The following SDK1 variants were observed in gnomAD, a reference collection of about 807,000 sequenced individuals.
SDK1 encodes the protein protein sidekick-1.
SDK1 carries 157 observed loss-of-function variants against 245.5 expected under a neutral mutation model. That is an observed-to-expected ratio of 0.64 (90% CI 0.56 to 0.73). SDK1 has a LOEUF of 0.73. Ranked by LOEUF, SDK1 falls within the 30% of genes least tolerant of loss-of-function variation. The pLI is 0.00. For synonymous variants in SDK1, 1,647 were observed against 1,278.5 expected, an observed-to-expected ratio of 1.29 and a Z score of -6.15; for missense variants, 3,583 against 3,002.3, an observed-to-expected ratio of 1.19 and a Z score of -4.52.
At chr7:3,765,035 A>G (rs1780215308) in intron 4 of SDK1, among the ~76,000 whole-genome samples, 1 of 152,174 alleles carries the variant, frequency 6.6e-6, no homozygotes, top group South Asian at 2.1e-4. Context: ...AAGTGTACAT[A>G]TATAACAACA....
At chr7:4,194,802 C>A (rs1324925391) in intron 35 of SDK1, among the ~76,000 whole-genome samples, 1 of 152,188 alleles carries the variant, frequency 6.6e-6, no homozygotes, top group Non-Finnish European at 1.5e-5. Flanking sequence ...TTTGGCAACA[C>A]CCTCACAGAC....
intron 22 of SDK1, among the ~76,000 whole-genome samples, chr7:4,091,821 G>A (rs1279073147): frequency 6.6e-6 from 1 of 152,018 alleles, no homozygotes; most frequent in Non-Finnish European, 1.5e-5. Context: ...CTCCGTCCAG[G>A]GAAAGAACAG....
At chr7:4,018,020 G>C (rs1786555930) in intron 17 of SDK1, among the ~76,000 whole-genome samples, 1 of 152,168 alleles carries the variant, frequency 6.6e-6, no homozygotes, top group Non-Finnish European at 1.5e-5. Context: ...GGAGGAGCCA[G>C]CATTGGGAGA....
At chr7:3,969,159 G>T in intron 10 of SDK1, 98 bp from the exon 11 acceptor site, 2 of 1,148,282 alleles carry the variant, frequency 1.7e-6, no homozygotes, top group Non-Finnish European at 2.4e-6. Flanking sequence ...TGGGGACACG[G>T]AGCCGAACCA....
chr7:3,975,172 G>A (rs2128134464), intron 13 of SDK1, among the ~76,000 whole-genome samples: 1 of 152,282 alleles, frequency 6.6e-6, no homozygotes, highest in South Asian at 2.1e-4. Context: ...TATTCATGGA[G>A]CAGGAAACCA....
chr7:3,502,803 G>GT (rs1041857353), intron 1 of SDK1, among the ~76,000 whole-genome samples: 6 of 152,164 alleles, frequency 3.9e-5, no homozygotes, highest in South Asian at 4.1e-4. Flanking sequence ...TGAGAGGGCT[G>GT]TTTTTTAGAA....
chr7:4,264,195 C>T (rs577135546), intron 44 of SDK1, among the ~76,000 whole-genome samples: 1 of 63,358 alleles, frequency 1.6e-5, no homozygotes, highest in East Asian at 1.0e-3. Context: ...GCCGCGTAGA[C>T]CTCTCCTGAG....
chr7:4,116,991 C>T (rs1248676685), intron 25 of SDK1, among the ~76,000 whole-genome samples: 15 of 152,172 alleles, frequency 9.9e-5, no homozygotes, highest in East Asian at 1.9e-4. Flanking sequence ...ATTGTGGTCA[C>T]GTGGATTTCA....
chr7:3,623,208 G>A (rs78711373), intron 2 of SDK1, among the ~76,000 whole-genome samples: 1,777 of 147,348 alleles, frequency 0.012, 48 homozygotes, highest in African/African-American at 0.043. Context: ...TGCTGTGTGC[G>A]TTACACACTG....
chr7:3,950,967 C>T lies in SDK1; in HGVS notation c.892C>T (p.Pro298Ser), dbSNP rs866176386. 3 of 1,613,866 alleles carry T rather than the reference C, an allele frequency of 1.9e-6. No homozygotes were observed. The highest frequency in any genetic ancestry group is 2.2e-5 in the East Asian group (1 of 44,868). ...PETMAPTIVV[P>S]PGNRSVVAGS... ...AACCATGGCCCCAACCATTGTGGTTCCCCCGGGCAACAGAAGTGTGGTGGC... is the reference window on the plus strand; with the variant it reads ...AACCATGGCCCCAACCATTGTGGTTTCCCCGGGCAACAGAAGTGTGGTGGC... Residue 298 changes from proline (P) to serine (S), a missense_variant, in exon 6 of 45, where the codon CCC becomes TCC. By Grantham distance (74) the Pro-to-Ser change is moderately conservative. Coordinates refer to ENST00000404826, the MANE Select transcript of SDK1 (RefSeq NM_152744.4).
At chr7:3,898,430 T>G (rs1246211849) in intron 5 of SDK1, among the ~76,000 whole-genome samples, 1 of 152,180 alleles carries the variant, frequency 6.6e-6, no homozygotes, top group Non-Finnish European at 1.5e-5. Context: ...TTTTTTAAAC[T>G]TTACAGTGAT....
intron 5 of SDK1, among the ~76,000 whole-genome samples, chr7:3,942,719 A>G (rs922123863): frequency 3.9e-5 from 6 of 152,224 alleles, no homozygotes; most frequent in Non-Finnish European, 8.8e-5. Context: ...TCCTGTTTCT[A>G]CAAAAAGAAA....
intron 4 of SDK1, 128 bp from the exon 5 acceptor site, chr7:3,821,322 G>T (rs1398943147): frequency 9.3e-7 from 1 of 1,077,706 alleles, no homozygotes; most frequent in Middle Eastern, 2.1e-4. Flanking sequence ...CCTGTGTATT[G>T]TTTTTGTCCT....
chr7:3,695,253 C>T (rs1051975406), intron 4 of SDK1, among the ~76,000 whole-genome samples: 8 of 152,188 alleles, frequency 5.3e-5, no homozygotes, highest in African/African-American at 1.9e-4. Flanking sequence ...ATCCTAAACA[C>T]TTGCAGGAGG....
intron 1 of SDK1, among the ~76,000 whole-genome samples, chr7:3,326,914 T>G (rs1779953679): frequency 6.6e-6 from 1 of 152,090 alleles, no homozygotes; most frequent in South Asian, 2.1e-4. Flanking sequence ...TAAATATACT[T>G]ACTGGGTACA....
chr7:3,646,040 G>C (rs542562755), intron 4 of SDK1, among the ~76,000 whole-genome samples: 1 of 151,984 alleles, frequency 6.6e-6, no homozygotes, highest in Non-Finnish European at 1.5e-5. Flanking sequence ...TGTCTTTTTA[G>C]TAGAGATGGG....
chr7:3,883,911 T>A (rs942709350), intron 5 of SDK1, among the ~76,000 whole-genome samples: 1 of 152,182 alleles, frequency 6.6e-6, no homozygotes, highest in African/African-American at 2.4e-5. Flanking sequence ...TTTTAAAACA[T>A]CAATACGATG....
chr7:4,121,401 G>C (rs1280166020), intron 25 of SDK1, among the ~76,000 whole-genome samples: 1 of 152,132 alleles, frequency 6.6e-6, no homozygotes, highest in African/African-American at 2.4e-5. Context: ...CTGTTCTCAT[G>C]ATAGTGAGTG....
At chr7:3,469,578 G>T (rs550518821) in intron 1 of SDK1, among the ~76,000 whole-genome samples, 13 of 152,200 alleles carry the variant, frequency 8.5e-5, no homozygotes, top group African/African-American at 2.9e-4. Flanking sequence ...TTCCTAGGTT[G>T]TTTTTGCAAA....
Sources: allele counts gnomAD v4.1 joint callset (sites outside exome capture counted in the v4.1 genomes callset), GRCh38; gene constraint gnomAD v4.1.1; transcripts MANE v1.5; gene names NCBI Gene and HGNC (gene_info 2026-07-23, HGNC 2026-07-21).